PDE4D: variants seen among roughly 807,000 people sequenced by gnomAD.
PDE4D encodes the protein 3',5'-cyclic-AMP phosphodiesterase 4D.
A neutral mutation model predicts 87.4 loss-of-function variants in PDE4D; 24 were observed. The ratio of observed to expected loss-of-function variants is 0.27; its 90% CI spans 0.20 to 0.39. The LOEUF (loss-of-function observed/expected upper bound fraction) is 0.39, where lower values mean the gene tolerates loss of function less well. Among genes scored for constraint, PDE4D ranks in the 10% least tolerant of loss-of-function variants. PDE4D has a pLI of 1.00. For synonymous variants in PDE4D, 384 were observed against 383.2 expected, an observed-to-expected ratio of 1.00 and a Z score of -0.02; for missense variants, 714 against 1,041.0, an observed-to-expected ratio of 0.69 and a Z score of 4.32.
chr5:59,433,080 T>C (rs1796340858), intron 1 of PDE4D, among the ~76,000 whole-genome samples: 1 of 152,152 alleles, frequency 6.6e-6, no homozygotes, highest in Non-Finnish European at 1.5e-5. Context: ...TCTTTGGACA[T>C]ACTCCTTCAT....
intron 1 of PDE4D, among the ~76,000 whole-genome samples, chr5:59,773,647 A>G (rs1398432163): frequency 1.3e-5 from 2 of 152,114 alleles, no homozygotes; most frequent in Non-Finnish European, 2.9e-5. Flanking sequence ...ATTAAACTCC[A>G]TGATAGTTTT....
chr5:59,745,753 AAAAG>A (rs1356106100), intron 1 of PDE4D, among the ~76,000 whole-genome samples: 3 of 152,162 alleles, frequency 2.0e-5, no homozygotes, highest in African/African-American at 4.8e-5. Flanking sequence ...AGGGCAAAAA[AAAAG>A]AAAGAAAGAA....
At chr5:60,323,124 T>C (rs752762757) in intron 1 of PDE4D, among the ~76,000 whole-genome samples, 2 of 152,192 alleles carry the variant, frequency 1.3e-5, no homozygotes, top group Non-Finnish European at 2.9e-5. Context: ...TGTGTATCTC[T>C]AGGCAGTGGC....
chr5:59,121,885 TGCAATCCCA>T (rs1774561799), intron 5 of PDE4D, among the ~76,000 whole-genome samples: 2 of 152,138 alleles, frequency 1.3e-5, no homozygotes, highest in African/African-American at 4.8e-5. Flanking sequence ...GGCTTATGCC[TGCAATCCCA>T]GCACTTTTGG....
intron 2 of PDE4D, among the ~76,000 whole-genome samples, chr5:60,180,413 G>GC (rs1784283717): frequency 6.6e-6 from 1 of 152,072 alleles, no homozygotes; most frequent in Non-Finnish European, 1.5e-5. Context: ...TAAACAGGGT[G>GC]CCCACAACGT....
chr5:59,427,965 A>T (rs1242756586), intron 1 of PDE4D, among the ~76,000 whole-genome samples: 1 of 152,246 alleles, frequency 6.6e-6, no homozygotes, highest in Non-Finnish European at 1.5e-5. Context: ...AAACATTTTT[A>T]AATCGCAAAT....
intron 3 of PDE4D, among the ~76,000 whole-genome samples, chr5:59,899,243 G>A (rs75939252): frequency 0.015 from 2,313 of 152,124 alleles, 52 homozygotes; most frequent in East Asian, 0.09. Context: ...GTTGAGAATA[G>A]CCCGTTGGAC....
intron 1 of PDE4D, among the ~76,000 whole-genome samples, chr5:60,401,860 G>C (rs1741123713): frequency 6.6e-6 from 1 of 152,162 alleles, no homozygotes; most frequent in Non-Finnish European, 1.5e-5. Context: ...GAAACACTCT[G>C]TCTTCTTCCC....
In PDE4D at chr5:59,651,762, T is replaced by C. The variant is rs568597107; in HGVS notation, c.455+241406A>G. Among the ~76,000 whole-genome samples, 298 of 152,174 alleles carry C rather than the reference T, an allele frequency of 2.0e-3. 1 individual carries two copies. The highest frequency in any genetic ancestry group is 7.1e-3 in the African/African-American group (294 of 41,502). On this transcript the variant is annotated intron_variant, in intron 1 of 14. Transcript: ENST00000340635. ...GGAGACAGAAAGAAAGAAAAAAAGA[T>C]AGAATAAAAGAAGGAAGGATTCTAT...
chr5:59,541,042 A>C (rs1234709374), intron 1 of PDE4D, among the ~76,000 whole-genome samples: 1 of 152,148 alleles, frequency 6.6e-6, no homozygotes, highest in Non-Finnish European at 1.5e-5. Context: ...TCAGAATTTA[A>C]AGAAACGACG....
intron 1 of PDE4D, among the ~76,000 whole-genome samples, chr5:59,405,844 T>A (rs185924533): frequency 1.3e-5 from 2 of 152,342 alleles, no homozygotes; most frequent in Admixed American, 6.5e-5. Flanking sequence ...CTGATTTACA[T>A]TATGTTGAAC....
intron 2 of PDE4D, among the ~76,000 whole-genome samples, chr5:60,036,796 T>C (rs1015455831): frequency 6.6e-6 from 1 of 152,224 alleles, no homozygotes; most frequent in Non-Finnish European, 1.5e-5. Flanking sequence ...AATTAAATTC[T>C]GCAAATAAAC....
chr5:59,879,752 T>A (rs570386098), intron 1 of PDE4D, among the ~76,000 whole-genome samples: 2 of 152,318 alleles, frequency 1.3e-5, no homozygotes, highest in East Asian at 3.9e-4. Context: ...TTTTTTGTTG[T>A]TTTTTGAGAC....
intron 1 of PDE4D, among the ~76,000 whole-genome samples, chr5:59,387,670 G>T (rs1405364683): frequency 6.6e-6 from 1 of 151,908 alleles, no homozygotes; most frequent in Non-Finnish European, 1.5e-5. Flanking sequence ...TTTAAAAATT[G>T]ACAAATAAGA....
intron 1 of PDE4D, among the ~76,000 whole-genome samples, chr5:60,426,990 A>G (rs146242334): frequency 4.2e-4 from 64 of 152,324 alleles, no homozygotes; most frequent in Non-Finnish European, 6.5e-4. Flanking sequence ...AAAACAGATC[A>G]GTAGAAATTA....
rs1777590292 is a variant in PDE4D at position 59,139,517 on chromosome 5, T to C, written c.808+41078A>G. ...AATTGGATTTTATTTTGAGACAGGG[T>C]CTCACTGTCGCCTAGGCTGGAGTGC... On this transcript the variant is annotated intron_variant, in intron 5 of 14. Coordinates refer to ENST00000340635, the MANE Select transcript of PDE4D (RefSeq NM_001104631.2). 2.6e-5 allele frequency among the ~76,000 whole-genome samples: 4 copies of C among 152,242 alleles called. 1 individual carries two copies. Among genetic ancestry groups the C allele is most frequent in the Admixed American group, 2.6e-4 (4 of 15,298 alleles).
chr5:60,120,546 A>T (rs1204618082), intron 2 of PDE4D, among the ~76,000 whole-genome samples: 1 of 152,162 alleles, frequency 6.6e-6, no homozygotes, highest in Non-Finnish European at 1.5e-5. Flanking sequence ...TGGGATAATG[A>T]TGGGAAAGAA....
At chr5:59,388,371 G>A (rs938253611) in intron 1 of PDE4D, among the ~76,000 whole-genome samples, 2 of 151,994 alleles carry the variant, frequency 1.3e-5, no homozygotes, top group African/African-American at 4.8e-5. Context: ...GAAAAGGGAA[G>A]ATGTTTACAC....
chr5:60,301,098 G>A (rs1408072852), intron 1 of PDE4D, among the ~76,000 whole-genome samples: 1 of 152,152 alleles, frequency 6.6e-6, no homozygotes, highest in Non-Finnish European at 1.5e-5. Flanking sequence ...CCAATACCAT[G>A]CTGTTTTGGC....
Sources: gnomAD v4.1 joint callset for allele counts (sites outside exome capture counted in the v4.1 genomes callset) on GRCh38, gnomAD v4.1.1 for gene constraint, MANE v1.5 for transcripts, NCBI Gene and HGNC (gene_info 2026-07-23, HGNC 2026-07-21) for gene names.